Variants in MFHAS1 observed in about 807,000 individuals in gnomAD.
MFHAS1 encodes the protein multifunctional ROCO family signaling regulator 1.
Under a neutral mutation model 70.4 loss-of-function variants are expected in MFHAS1, and 50 were observed. The ratio of observed to expected loss-of-function variants is 0.71; its 90% confidence interval spans 0.57 to 0.90. The LOEUF (loss-of-function observed/expected upper bound fraction) is 0.90, where lower values mean the gene tolerates loss of function less well. Ranked by LOEUF, MFHAS1 falls within the 40% of genes least tolerant of loss-of-function variation. The pLI is 0.00. For missense variants in MFHAS1, 1,795 were observed against 1,347.6 expected (o/e 1.33, Z -5.20); for synonymous variants, 952 against 620.0 (o/e 1.54, Z -7.96).
intron 1 of MFHAS1, among the ~76,000 whole-genome samples, chr8:8,846,914 AC>A (rs1211490569): frequency 1.3e-5 from 2 of 152,226 alleles, no homozygotes; most frequent in Non-Finnish European, 2.9e-5. Flanking sequence ...GACCTTTGAT[AC>A]ACTGCATTCA....
At chr8:8,787,109 C>T (rs1485652734) in intron 2 of MFHAS1, among the ~76,000 whole-genome samples, 2 of 147,606 alleles carry the variant, frequency 1.4e-5, no homozygotes, top group African/African-American at 5.1e-5. Flanking sequence ...GAGACAGAGT[C>T]TCGCTCTGTT....
intron 1 of MFHAS1, among the ~76,000 whole-genome samples, chr8:8,851,173 G>A (rs1486023070): frequency 6.6e-6 from 1 of 152,218 alleles, no homozygotes; most frequent in Non-Finnish European, 1.5e-5. Context: ...TGGTTTTCAG[G>A]ATGCTGAATG....
chr8:8,805,615 G>A (rs572371124), intron 1 of MFHAS1, among the ~76,000 whole-genome samples: 13 of 152,148 alleles, frequency 8.5e-5, no homozygotes, highest in African/African-American at 2.7e-4. Flanking sequence ...TAAGTGGACC[G>A]GCACAGTTCA....
chr8:8,808,192 G>A (rs577560770), intron 1 of MFHAS1, among the ~76,000 whole-genome samples: 116 of 148,164 alleles, frequency 7.8e-4, no homozygotes, highest in African/African-American at 2.8e-3. Context: ...ACCCTCCTCT[G>A]CCCAGTGCCC....
chr8:8,875,822 C>G lies in MFHAS1; in HGVS notation c.2998+14239G>C, dbSNP rs565287210. 1.9e-4 allele frequency among the ~76,000 whole-genome samples: 29 copies of G among 152,192 alleles called. No homozygotes were observed. In the South Asian group the frequency reaches 6.0e-3, roughly 32 times the overall value. Reference sequence around the variant, plus strand: ...CAGACTGCTCTCGAACTCGTGACCTCGTGATCCGCCCGCCTCGGCCTCCCA... The same window carrying G: ...CAGACTGCTCTCGAACTCGTGACCTGGTGATCCGCCCGCCTCGGCCTCCCA... On this transcript the variant is annotated intron_variant, in intron 1 of 2. Coordinates refer to ENST00000276282, the MANE Select transcript of MFHAS1 (RefSeq NM_004225.3).
intron 1 of MFHAS1, among the ~76,000 whole-genome samples, chr8:8,835,057 G>A (rs533938156): frequency 2.6e-5 from 4 of 152,152 alleles, no homozygotes; most frequent in Admixed American, 6.5e-5. Context: ...CACAAAAAAA[G>A]TACATACTAA....
chr8:8,879,044 A>G (rs1391071646), intron 1 of MFHAS1, among the ~76,000 whole-genome samples: 1 of 152,134 alleles, frequency 6.6e-6, no homozygotes, highest in Non-Finnish European at 1.5e-5. Context: ...AAGTCTATAA[A>G]TGACAAAAAA....
At chr8:8,804,399 TAAAC>T (rs1175805271) in intron 1 of MFHAS1, among the ~76,000 whole-genome samples, 2 of 152,056 alleles carry the variant, frequency 1.3e-5, no homozygotes, top group South Asian at 2.1e-4. Context: ...TAAAATAAAA[TAAAC>T]AAAAAACAAA....
intron 2 of MFHAS1, among the ~76,000 whole-genome samples, chr8:8,792,036 G>A (rs932918790): frequency 6.6e-6 from 1 of 152,210 alleles, no homozygotes. Context: ...TCAGGAGATC[G>A]AGACCATCCT....
chr8:8,794,017 G>A (rs182873586), intron 2 of MFHAS1, among the ~76,000 whole-genome samples: 48 of 152,118 alleles, frequency 3.2e-4, no homozygotes, highest in Admixed American at 8.5e-4. Flanking sequence ...ATGAAACCCC[G>A]TCTCTACCAA....
At chr8:8,870,620 C>T (rs1028584207) in intron 1 of MFHAS1, among the ~76,000 whole-genome samples, 4 of 152,166 alleles carry the variant, frequency 2.6e-5, no homozygotes, top group Non-Finnish European at 4.4e-5. Context: ...CCCCTGGAGA[C>T]CTCCCATCCA....
intron 1 of MFHAS1, among the ~76,000 whole-genome samples, chr8:8,856,946 G>A (rs1808464956): frequency 8.3e-6 from 1 of 121,200 alleles, no homozygotes; most frequent in Admixed American, 1.1e-4. Flanking sequence ...CTTTCAAACT[G>A]GCTCAAAACC....
At chr8:8,794,478 C>G (rs1261789122) in intron 2 of MFHAS1, among the ~76,000 whole-genome samples, 1 of 152,154 alleles carries the variant, frequency 6.6e-6, no homozygotes, top group African/African-American at 2.4e-5. Context: ...TCCATGTGTT[C>G]ATGGATGTAA....
intron 1 of MFHAS1, among the ~76,000 whole-genome samples, chr8:8,874,715 GT>G (rs111243572): frequency 0.066 from 9,966 of 151,924 alleles, 447 homozygotes; most frequent in East Asian, 0.15. Flanking sequence ...ATGTTATGAG[GT>G]TTTTTTAAGC....
intron 1 of MFHAS1, among the ~76,000 whole-genome samples, chr8:8,881,836 A>C (rs1407710729): frequency 1.3e-5 from 2 of 150,162 alleles, no homozygotes; most frequent in African/African-American, 4.9e-5. Context: ...AAAAAAAAAG[A>C]AAGCAGCAGC....
chr8:8,813,450 C>T (rs1270749171), intron 1 of MFHAS1, among the ~76,000 whole-genome samples: 1 of 152,174 alleles, frequency 6.6e-6, no homozygotes, highest in Non-Finnish European at 1.5e-5. Context: ...CCATCACTGT[C>T]ATTGTCCCTG....
intron 1 of MFHAS1, among the ~76,000 whole-genome samples, chr8:8,811,621 C>A (rs568819482): frequency 1.3e-5 from 2 of 152,344 alleles, no homozygotes; most frequent in East Asian, 1.9e-4. Flanking sequence ...GTCCACCTGA[C>A]GCATACTAGC....
At chr8:8,880,720 T>C (rs1324667747) in intron 1 of MFHAS1, among the ~76,000 whole-genome samples, 2 of 151,794 alleles carry the variant, frequency 1.3e-5, no homozygotes, top group East Asian at 1.9e-4. Context: ...AGTCTTGTTT[T>C]GTCGCCCAGG....
intron 1 of MFHAS1, among the ~76,000 whole-genome samples, chr8:8,834,863 C>G (rs1585042671): frequency 6.6e-6 from 1 of 152,306 alleles, no homozygotes; most frequent in South Asian, 2.1e-4. Context: ...ACAGACATGC[C>G]ACTGGATATT....
Sources: gnomAD v4.1 joint callset for allele counts (sites outside exome capture counted in the v4.1 genomes callset) on GRCh38, gnomAD v4.1.1 for gene constraint, MANE v1.5 for transcripts, NCBI Gene and HGNC (gene_info 2026-07-23, HGNC 2026-07-21) for gene names.